CRISPLD2: variants seen among roughly 807,000 people sequenced by gnomAD.
The protein encoded by CRISPLD2 is cysteine-rich secretory protein LCCL domain-containing 2.
CRISPLD2 carries 47 observed loss-of-function variants against 71.1 expected under a neutral mutation model. The ratio of observed to expected loss-of-function variants is 0.66; its 90% CI spans 0.52 to 0.84. The LOEUF (loss-of-function observed/expected upper bound fraction) is 0.84. CRISPLD2 is among the 40% of genes least tolerant of loss of function. The pLI, the probability that CRISPLD2 is intolerant of heterozygous loss-of-function variation, is 0.00. For missense variants in CRISPLD2, 830 were observed against 651.1 expected, an observed-to-expected ratio of 1.27 and a Z score of -2.99; for synonymous variants, 317 against 250.1, an observed-to-expected ratio of 1.27 and a Z score of -2.52.
chr16:84,890,749 T>G (rs1343495078), intron 14 of CRISPLD2, among the ~76,000 whole-genome samples: 4 of 151,384 alleles, frequency 2.6e-5, no homozygotes, highest in Non-Finnish European at 5.9e-5. Context: ...GAGCCGGGAT[T>G]GTGTCACTGC....
intron 6 of CRISPLD2, among the ~76,000 whole-genome samples, chr16:84,866,451 G>T (rs1917540394): frequency 6.6e-6 from 1 of 152,142 alleles, no homozygotes; most frequent in South Asian, 2.1e-4. Context: ...AGCCAGGCTG[G>T]TGTCAAACTC....
intron 8 of CRISPLD2, among the ~76,000 whole-genome samples, chr16:84,871,710 C>T (rs1159046381): frequency 9.2e-5 from 14 of 151,976 alleles, no homozygotes; most frequent in Admixed American, 5.2e-4. Flanking sequence ...TGCCACCACA[C>T]GCGGCTAATT....
In CRISPLD2 at chr16:84,882,447, G is replaced by A. The variant is rs575893660; in HGVS notation, c.1305+1863G>A. ...TTTTTGAGACAAGAGTTTCACTCCT[G>A]TTGCCCAGGCTGGAGTGCAATTGCA... On this transcript the variant is annotated intron_variant, in intron 13 of 14. Coordinates refer to ENST00000262424, the MANE Select transcript of CRISPLD2 (RefSeq NM_031476.4). Among the ~76,000 whole-genome samples the A allele has an allele frequency of 1.3e-5, 2 of 149,694 alleles. 1 individual carries two copies. The highest frequency in any genetic ancestry group is 4.2e-4 in the South Asian group (2 of 4,716).
intron 2 of CRISPLD2, 49 bp from the exon 3 acceptor site, chr16:84,845,737 C>A (rs1326848563): frequency 7.9e-7 from 1 of 1,260,782 alleles, no homozygotes; most frequent in Non-Finnish European, 1.2e-6. Context: ...GGTTCTTATG[C>A]CCCTCCCTCA....
At chr16:84,846,326 C>G (rs190148531) in intron 3 of CRISPLD2, among the ~76,000 whole-genome samples, 1 of 151,190 alleles carries the variant, frequency 6.6e-6, no homozygotes, top group African/African-American at 2.4e-5. Flanking sequence ...AATCTCGGCT[C>G]ACTGCAACCT....
chr16:84,901,308 C>A (rs887936173), intron 14 of CRISPLD2, among the ~76,000 whole-genome samples: 1 of 152,124 alleles, frequency 6.6e-6, no homozygotes, highest in African/African-American at 2.4e-5. Flanking sequence ...CACATAAGAT[C>A]TAAACATCTC....
chr16:84,869,452 A>C (rs2071446728), intron 8 of CRISPLD2, among the ~76,000 whole-genome samples: 1 of 152,258 alleles, frequency 6.6e-6, no homozygotes, highest in African/African-American at 2.4e-5. Flanking sequence ...CATGTTAAAA[A>C]GGGAAGGTTG....
At chr16:84,897,687 G>A (rs1401621604) in intron 14 of CRISPLD2, among the ~76,000 whole-genome samples, 1 of 152,016 alleles carries the variant, frequency 6.6e-6, no homozygotes, top group Non-Finnish European at 1.5e-5. Context: ...CTTGACCTCG[G>A]CTCATTGCAA....
At chr16:84,826,773 C>T (rs9935182) in intron 1 of CRISPLD2, among the ~76,000 whole-genome samples, 5,193 of 152,230 alleles carry the variant, frequency 0.034, 255 homozygotes, top group African/African-American at 0.11. Context: ...GGGGAGGCCC[C>T]ACCGCCAGCT....
intron 2 of CRISPLD2, chr16:84,839,093 C>T (rs4783085): frequency 0.099 from 37,847 of 383,166 alleles, 2,062 homozygotes; most frequent in African/African-American, 0.14. Context: ...TGCTACGTTG[C>T]CCAGGCTGGT....
intron 11 of CRISPLD2, among the ~76,000 whole-genome samples, chr16:84,876,105 A>G (rs1168191179): frequency 6.6e-5 from 10 of 152,324 alleles, no homozygotes; most frequent in African/African-American, 2.2e-4. Flanking sequence ...CCTATTCCAC[A>G]TCATCTATAG....
At chr16:84,897,289 CAAA>C (rs369389521) in intron 14 of CRISPLD2, among the ~76,000 whole-genome samples, 1 of 100,670 alleles carries the variant, frequency 9.9e-6, no homozygotes, top group Non-Finnish European at 2.1e-5. Flanking sequence ...ACTAAAAATA[CAAA>C]AAAAAAAAAA....
At chr16:84,862,651 A>G (rs60910901) in intron 6 of CRISPLD2, among the ~76,000 whole-genome samples, 3,382 of 139,700 alleles carry the variant, frequency 0.024, 75 homozygotes, top group African/African-American at 0.067. Flanking sequence ...CATGGTGCTG[A>G]CCATGCTCGT....
chr16:84,827,499 C>T (rs1257323187), intron 1 of CRISPLD2, among the ~76,000 whole-genome samples: 3 of 151,946 alleles, frequency 2.0e-5, no homozygotes, highest in African/African-American at 7.3e-5. Context: ...GGTCACGCCT[C>T]GACTGTGACC....
At chr16:84,894,630 G>T (rs369618943) in intron 14 of CRISPLD2, among the ~76,000 whole-genome samples, 19 of 152,168 alleles carry the variant, frequency 1.2e-4, no homozygotes, top group East Asian at 1.2e-3. Context: ...AGAAGCCAAA[G>T]GAAGAAGTAA....
intron 12 of CRISPLD2, among the ~76,000 whole-genome samples, chr16:84,879,389 C>T (rs56986789): frequency 0.02 from 2,825 of 144,072 alleles, 95 homozygotes; most frequent in African/African-American, 0.069. Flanking sequence ...TGAGACTGAG[C>T]TTCGCTCTTG....
intron 1 of CRISPLD2, among the ~76,000 whole-genome samples, chr16:84,831,103 G>C (rs1441891544): frequency 6.6e-6 from 1 of 152,230 alleles, no homozygotes; most frequent in African/African-American, 2.4e-5. Context: ...TGCAATCCTG[G>C]GTGGGGAGCC....
intron 14 of CRISPLD2, among the ~76,000 whole-genome samples, chr16:84,903,465 GC>G (rs1567708489): frequency 1.3e-5 from 2 of 152,108 alleles, no homozygotes; most frequent in Non-Finnish European, 2.9e-5. Context: ...GGTGGCGCAT[GC>G]CTGTAATTCC....
intron 6 of CRISPLD2, among the ~76,000 whole-genome samples, 167 bp downstream of exon 6, chr16:84,854,996 C>A (rs1449672768): frequency 6.6e-6 from 1 of 152,214 alleles, no homozygotes; most frequent in Admixed American, 6.5e-5. Context: ...TGAGCCTCAT[C>A]TCCAGGGTCT....
Sources: gnomAD v4.1 joint callset for allele counts (sites outside exome capture counted in the v4.1 genomes callset) on GRCh38, gnomAD v4.1.1 for gene constraint, MANE v1.5 for transcripts, NCBI Gene and HGNC (gene_info 2026-07-23, HGNC 2026-07-21) for gene names.